MKNK2: variants seen among roughly 807,000 people sequenced by gnomAD.
MKNK2 encodes the protein MAPK interacting serine/threonine kinase 2.
MKNK2 carries 54 observed loss-of-function variants against 55.0 expected under a neutral mutation model. The ratio of observed to expected loss-of-function variants is 0.98; its 90% confidence interval spans 0.79 to 1.23. The LOEUF (loss-of-function observed/expected upper bound fraction) is 1.23. Among genes scored for constraint, MKNK2 ranks in the 50% most tolerant of loss-of-function variants. The probability of loss-of-function intolerance (pLI) is 0.00; values close to 1 mark genes in which losing one functional copy is unlikely to be tolerated. For missense variants in MKNK2, 685 were observed against 632.1 expected, an observed-to-expected ratio of 1.08 and a Z score of -0.90; for synonymous variants, 323 against 256.0, an observed-to-expected ratio of 1.26 and a Z score of -2.50.
rs985079154 is a variant in MKNK2, at chr19:2,037,556, G to C, written c.*2057C>G. ...AGTTGGTGTAAAGGAAAACTTCTGA[G>C]CTCCGTCAGTTCACCTGGTACATTG... On this transcript the variant is annotated 3_prime_UTR_variant, in exon 14 of 14. Coordinates refer to ENST00000250896, the MANE Select transcript of MKNK2 (RefSeq NM_199054.3). 2.3e-6 allele frequency: 1 copy of C among 430,058 alleles called. No individual in the cohort carries two copies. Among genetic ancestry groups the C allele is most frequent in the African/African-American group, 2.0e-5 (1 of 48,842 alleles). The allele number at this position is 430,058 out of a possible 1,614,324, so 26.6% of individuals were successfully genotyped here.
At chr19:2,041,474 T>A (rs1022850636) in intron 11 of MKNK2, among the ~76,000 whole-genome samples, 1 of 152,150 alleles carries the variant, frequency 6.6e-6, no homozygotes, top group Non-Finnish European at 1.5e-5. Context: ...AGCCTGAGCC[T>A]GATCCCCCCA....
Position 2,043,214 on chromosome 19 carries a change from G to T in MKNK2, c.420-17C>A, listed in dbSNP as rs767643629. 6.5e-7 allele frequency: 1 copy of T among 1,548,512 alleles called. No individual in the cohort carries two copies. Among genetic ancestry groups the T allele is most frequent in the Non-Finnish European group, 8.9e-7 (1 of 1,120,962 alleles). On this transcript the variant is annotated splice_polypyrimidine_tract_variant and intron_variant, in intron 6 of 13. Coordinates refer to ENST00000250896, the MANE Select transcript of MKNK2 (RefSeq NM_199054.3). ...AGGACGTTCCTGGGGTGGGGGTGGGGGCAGGAGAGGAGCTGAGGCTTCCTG... is the reference window on the plus strand; with the variant it reads ...AGGACGTTCCTGGGGTGGGGGTGGGTGCAGGAGAGGAGCTGAGGCTTCCTG...
At chr19:2,042,178 C>A in intron 10 of MKNK2, 144 bp from the exon 11 acceptor site, 1 of 826,242 alleles carries the variant, frequency 1.2e-6, no homozygotes, top group African/African-American at 1.8e-5. Context: ...GGGAACGCGC[C>A]CCCGCCCAAT....
chr19:2,045,621 TC>T (rs1330523294), intron 5 of MKNK2, among the ~76,000 whole-genome samples: 1 of 152,008 alleles, frequency 6.6e-6, no homozygotes, highest in Non-Finnish European at 1.5e-5. Flanking sequence ...TGGCCCTCTT[TC>T]CCAGGCAGCC....
In MKNK2 at chr19:2,037,847, A is replaced by AAAAAC. The variant is rs1568233260; in HGVS notation, c.*1765_*1766insGTTTT. Reference sequence around the variant, plus strand: ...TGTCCCACCTTCAGAAAAAAAAAAAAAAACAAACAAACAAACGCTGCTAGC... The same window carrying AAAAAC: ...TGTCCCACCTTCAGAAAAAAAAAAAAAAAACAAACAAACAAACAAACGCTGCTAGC... On this transcript the variant is annotated 3_prime_UTR_variant, in exon 14 of 14. Transcript: ENST00000250896. 6.1e-5 allele frequency: 92 copies of AAAAAC among 1,512,852 alleles called. No homozygotes were observed. The South Asian group carries it at 1.1e-3, about 17-fold the overall frequency. The allele number at this position is 1,512,852 out of a possible 1,614,324, so 93.7% of individuals were successfully genotyped here.
At chr19:2,042,703 G>A in intron 8 of MKNK2, 41 bp from the exon 9 acceptor site, 1 of 1,551,892 alleles carries the variant, frequency 6.4e-7, no homozygotes, top group Middle Eastern at 1.7e-4. Flanking sequence ...GTGAGGGTCT[G>A]GAGGTCTTCC....
rs1045808641 is a variant in MKNK2 at position 2,039,527 on chromosome 19, G to A, written c.*86C>T. 23 of 1,487,942 alleles carry A rather than the reference G, an allele frequency of 1.5e-5. 1 individual carries two copies. The highest frequency in any genetic ancestry group is 8.3e-5 in the African/African-American group (6 of 72,504). 92.2% of individuals were successfully genotyped at this position (1,487,942 alleles called of 1,614,324 possible). On this transcript the variant is annotated 3_prime_UTR_variant, in exon 14 of 14. Coordinates refer to ENST00000250896, the MANE Select transcript of MKNK2 (RefSeq NM_199054.3). ...AATCCAGGCAGAGGAGGGGCAGCCC[G>A]CTGGACACCGGCTGGCGATAGCTTA...
chr19:2,046,817 C>T, intron 2 of MKNK2, 126 bp from the exon 3 acceptor site: 1 of 686,912 alleles, frequency 1.5e-6, no homozygotes, highest in Non-Finnish European at 2.3e-6. Flanking sequence ...ACGGAAAAAT[C>T]AACTCCGTCC....
At chr19:2,043,960 A>C (rs2016947019) in intron 5 of MKNK2, among the ~76,000 whole-genome samples, 1 of 119,796 alleles carries the variant, frequency 8.3e-6, no homozygotes, top group South Asian at 3.0e-4. Context: ...CTGGTGACAG[A>C]GTGAGACTTC....
At position 2,041,188 on chromosome 19, in the gene MKNK2, C is replaced by T. The variant is rs1568235784; in HGVS notation, c.962G>A (p.Ser321Asn). 1 of 1,613,378 alleles carries T rather than the reference C, an allele frequency of 6.2e-7. No individual in the cohort carries two copies. Among genetic ancestry groups the T allele is most frequent in the Admixed American group, 1.7e-5 (1 of 59,992 alleles). Residue 321 changes from serine (S) to asparagine (N), a missense_variant, in exon 12 of 14, where the codon AGC becomes AAC. Ser to Asn is a conservative substitution (Grantham distance 46, BLOSUM62 1). Transcript: ENST00000250896. The stretch of plus-strand genomic sequence containing the variant: ...GAACTCGTACTTGCCCTCCTGGATG[C>T]TCTCAAACAGCATGTTCTGGGGACA... ...CPACQNMLFE[S>N]IQEGKYEFPD...
intron 12 of MKNK2, 162 bp from the exon 13 acceptor site, chr19:2,040,339 G>A (rs72981421): frequency 2.7e-4 from 166 of 621,852 alleles, no homozygotes; most frequent in Middle Eastern, 4.4e-4. Flanking sequence ...CGCCCACCCC[G>A]AGGTCCCTAT....
At position 2,038,849 on chromosome 19, in the gene MKNK2, G is replaced by A; in HGVS notation, c.*764C>T. On this transcript the variant is annotated 3_prime_UTR_variant, in exon 14 of 14. Coordinates refer to ENST00000250896, the MANE Select transcript of MKNK2 (RefSeq NM_199054.3). ...CTCCTGCTGTCTCAGGCCTTGGTGT[G>A]GAGGGGAGGGGCAGCGGCGAGCCCC... The A allele has an allele frequency of 1.0e-6, 1 of 985,698 alleles. No individual in the cohort carries two copies. Among genetic ancestry groups the A allele is most frequent in the Non-Finnish European group, 1.2e-6 (1 of 829,914 alleles). 61.1% of individuals were successfully genotyped at this position (985,698 alleles called of 1,614,324 possible). A position where few individuals can be genotyped will look rare whatever the true frequency, so the allele number is the denominator to read the frequency against.
intron 2 of MKNK2, among the ~76,000 whole-genome samples, 184 bp from the exon 3 acceptor site, chr19:2,046,875 G>A (rs538150442): frequency 5.8e-4 from 89 of 152,268 alleles, no homozygotes; most frequent in Middle Eastern, 3.4e-3. Flanking sequence ...CTCCCGAAGG[G>A]GCAGACAGCA....
chr19:2,041,241 C>A (rs1451577756), intron 11 of MKNK2, 37 bp from the exon 12 acceptor site: 3 of 1,587,444 alleles, frequency 1.9e-6, no homozygotes, highest in African/African-American at 2.7e-5. Context: ...TAGACCTGCC[C>A]AAGGGCCTGG....
In MKNK2 at chr19:2,039,755, G is replaced by A. The variant is rs374115536; in HGVS notation, c.1256C>T (p.Ala419Val). 31 of 1,609,394 alleles carry A rather than the reference G, an allele frequency of 1.9e-5. No individual in the cohort carries two copies. The highest frequency in any genetic ancestry group is 4.0e-5 in the African/African-American group (3 of 74,948). Residue 419 changes from alanine (A) to valine (V), a missense_variant, in exon 14 of 14, where the codon GCG (alanine) becomes GTG (valine). Physicochemically the swap from Ala to Val is moderately conservative, Grantham distance 64. Transcript: ENST00000250896. The part of the protein sequence containing the change: ...HDEDLAEEEA[A>V]GQGQPVLVRA... ...GACCAGGACGGGCTGGCCCTGCCCC[G>A]CGGCCTCCTCCTCAGCCAGGTCCTC...
At position 2,039,738 on chromosome 19, in the gene MKNK2, CG is replaced by C; in HGVS notation, c.1272del (p.Val425SerfsTer59). 6.2e-7 allele frequency: 1 copy of C among 1,610,634 alleles called. No individual in the cohort carries two copies. Among genetic ancestry groups the C allele is most frequent in the Non-Finnish European group, 8.5e-7 (1 of 1,179,800 alleles). On this transcript the variant is annotated frameshift_variant, in exon 14 of 14. Transcript: ENST00000250896. LOFTEE classifies it high-confidence loss of function. ...CAGCGTGAGGTAGCTCGGACCAGGA[CG>C]GGCTGGCCCTGCCCCGCGGCCTCCT... is the stretch of plus-strand genomic sequence containing the variant. Reference protein sequence around the residue: ...AEEEAAGQGQPVLVRATSRCL... With the variant: ...AEEEAAGQGQXVLVRATSRCL...
In MKNK2 at chr19:2,042,415, G is replaced by C. The variant is rs1324399239; in HGVS notation, c.750+12C>G. On this transcript the variant is annotated intron_variant, in intron 10 of 13. Transcript: ENST00000250896. Reference sequence around the variant, plus strand: ...GGCGGCCGAGCCCCCAGCCCTCCCCGCGGGCCCTCACCGGAGTGAGCAGCT... The same window carrying C: ...GGCGGCCGAGCCCCCAGCCCTCCCCCCGGGCCCTCACCGGAGTGAGCAGCT... 7 of 1,562,104 alleles carry C rather than the reference G, an allele frequency of 4.5e-6. No individual in the cohort carries two copies. In the East Asian group the frequency reaches 1.6e-4, roughly 37 times the overall value.
Position 2,039,136 on chromosome 19 carries a change from G to C in MKNK2, c.*477C>G. ...TGCTCTCAGGGTGAGGGATAGAGGG[G>C]AAGAGCCTGTCCCTGAAATACTGCG... On this transcript the variant is annotated 3_prime_UTR_variant, in exon 14 of 14. Coordinates refer to ENST00000250896, the MANE Select transcript of MKNK2 (RefSeq NM_199054.3). The C allele has an allele frequency of 1.0e-6, 1 of 991,906 alleles. No individual in the cohort carries two copies. The highest frequency in any genetic ancestry group is 1.2e-6 in the Non-Finnish European group (1 of 833,778). The allele number at this position is 991,906 out of a possible 1,614,324, so 61.4% of individuals were successfully genotyped here.
chr19:2,040,290 C>T (rs1338959630), intron 12 of MKNK2, 113 bp from the exon 13 acceptor site: 6 of 983,194 alleles, frequency 6.1e-6, no homozygotes, highest in Middle Eastern at 6.6e-4. Flanking sequence ...AGGACCCCAC[C>T]GGAGACCAGG....
Sources: gnomAD v4.1 joint callset for allele counts (sites outside exome capture counted in the v4.1 genomes callset) on GRCh38, gnomAD v4.1.1 for gene constraint, MANE v1.5 for transcripts, NCBI Gene and HGNC (gene_info 2026-07-23, HGNC 2026-07-21) for gene names.